The following SSB variants were observed in gnomAD, a reference collection of about 807,000 sequenced individuals.
SSB encodes lupus La protein.
SSB carries 17 observed loss-of-function variants against 52.9 expected under a neutral mutation model. The observed-to-expected ratio is 0.32, with a 90% CI of 0.22 to 0.48. SSB has a LOEUF of 0.48. Ranked by LOEUF, SSB falls within the 20% of genes least tolerant of loss-of-function variation. The pLI is 0.99. For synonymous variants in SSB, 111 were observed against 152.1 expected, an observed-to-expected ratio of 0.73 and a Z score of 1.99; for missense variants, 314 against 463.6, an observed-to-expected ratio of 0.68 and a Z score of 2.96.
chr2:169,800,748 T>C (rs1270761655), intron 1 of SSB, among the ~76,000 whole-genome samples: 1 of 152,162 alleles, frequency 6.6e-6, no homozygotes, highest in Non-Finnish European at 1.5e-5. Flanking sequence ...ACAAGTTTTT[T>C]ATAGTTTTTA....
chr2:169,811,631 AC>A (rs746138148), intron 11 of SSB, 36 bp from the exon 12 acceptor site: 4 of 1,597,424 alleles, frequency 2.5e-6, no homozygotes, highest in African/African-American at 1.4e-5. Flanking sequence ...AGCAGTACTT[AC>A]GTTGAATTTA....
At chr2:169,809,708 A>AT (rs1386529367) in intron 8 of SSB, among the ~76,000 whole-genome samples, 4 of 151,738 alleles carry the variant, frequency 2.6e-5, no homozygotes, top group African/African-American at 7.3e-5. Flanking sequence ...CACCTCCCAG[A>AT]TTCATGCCAT....
chr2:169,806,525 TTAA>T lies in SSB; in HGVS notation c.346-256_346-254del, dbSNP rs576941993. 538 of 314,022 alleles carry T rather than the reference TTAA, an allele frequency of 1.7e-3. 2 individuals are homozygous for T. The highest frequency in any genetic ancestry group is 4.9e-3 in the Middle Eastern group (5 of 1,028). 19.5% of individuals were successfully genotyped at this position (314,022 alleles called of 1,614,324 possible). On this transcript the variant is annotated intron_variant, in intron 4 of 11. Transcript: ENST00000260956. Reference sequence around the variant, plus strand: ...AATGTACCATCACCAGCTTTAGTAGTTAATAACAGAACATGCAAATCATCTTGT... The same window carrying T: ...AATGTACCATCACCAGCTTTAGTAGTTAACAGAACATGCAAATCATCTTGT...
Position 169,811,822 on chromosome 2 carries a change from A to G in SSB, c.*66A>G. On this transcript the variant is annotated 3_prime_UTR_variant, in exon 12 of 12. Coordinates refer to ENST00000260956, the MANE Select transcript of SSB (RefSeq NM_003142.5). ...AACGACTTTTGTTTGCGGGGCTTTT[A>G]AAAGGAAAACCGAATTAGGTCCACT... 1 of 1,613,690 alleles carries G rather than the reference A, an allele frequency of 6.2e-7. No individual in the cohort carries two copies. Among genetic ancestry groups the G allele is most frequent in the Non-Finnish European group, 8.5e-7 (1 of 1,179,784 alleles).
At position 169,808,672 on chromosome 2, in the gene SSB, G is replaced by C. The variant is rs966228092; in HGVS notation, c.626+119G>C. The C allele has an allele frequency of 8.4e-6, 9 of 1,077,682 alleles. No homozygotes were observed. The African/African-American group carries it at 1.3e-4, about 15-fold the overall frequency. The allele number at this position is 1,077,682 out of a possible 1,614,324, so 66.8% of individuals were successfully genotyped here. A position where few individuals can be genotyped will look rare whatever the true frequency, so the allele number is the denominator to read the frequency against. The stretch of plus-strand genomic sequence containing the variant: ...TTTCTCTTTGCTAGTGAAACACTGA[G>C]ATCTTAAGCTGCCTTGACAATCTCA... On this transcript the variant is annotated intron_variant, in intron 7 of 11. Transcript: ENST00000260956.
Position 169,810,928 on chromosome 2 carries a change from T to C in SSB, c.881T>C (p.Leu294Pro), listed in dbSNP as rs1689937702. 3.1e-6 allele frequency: 5 copies of C among 1,613,542 alleles called. No homozygotes were observed. The East Asian group carries it at 8.9e-5, about 29-fold the overall frequency. Residue 294 changes from leucine to proline, a missense_variant, in exon 10 of 12, where the codon CTA becomes CCA. Leu to Pro is a moderately conservative substitution (Grantham distance 98). Coordinates refer to ENST00000260956, the MANE Select transcript of SSB (RefSeq NM_003142.5). ...GCCAAAGATGCAAATAATGGTAACCTACAATTAAGGAACAAAGAAGTGACT... is the reference window on the plus strand; with the variant it reads ...GCCAAAGATGCAAATAATGGTAACCCACAATTAAGGAACAAAGAAGTGACT... ...GKAKDANNGN[L>P]QLRNKEVTWE... is the part of the protein sequence containing the mutation.
At chr2:169,808,987 A>G (rs756099840) in intron 8 of SSB, 85 bp downstream of exon 8, 1 of 1,075,450 alleles carries the variant, frequency 9.3e-7, no homozygotes, top group South Asian at 1.3e-5. Flanking sequence ...TTTCAAGAAA[A>G]TACGTAAGCA....
intron 6 of SSB, among the ~76,000 whole-genome samples, chr2:169,807,850 T>A (rs568407835): frequency 1.3e-5 from 2 of 151,318 alleles, no homozygotes; most frequent in African/African-American, 4.8e-5. Context: ...CAGAGCATTT[T>A]CATGATAAAA....
intron 2 of SSB, among the ~76,000 whole-genome samples, chr2:169,802,440 G>C (rs10754971): frequency 0.98 from 147,249 of 150,878 alleles, 71,947 homozygotes; most frequent in East Asian, 1. Flanking sequence ...TAAGCTGCAC[G>C]TCTCTGCATT....
In SSB at chr2:169,805,768, T is replaced by A; in HGVS notation, c.274T>A (p.Ser92Thr). Residue 92 changes from serine to threonine, a missense_variant, in exon 4 of 12, where the codon TCT (serine) becomes ACT (threonine). By Grantham distance (58) the Ser-to-Thr change is moderately conservative. Coordinates refer to ENST00000260956, the MANE Select transcript of SSB (RefSeq NM_003142.5). ...TGAAGATAAAACTAAAATCAGAAGGTCTCCAAGCAAACCCCTACCTGAAGT... is the reference window on the plus strand; with the variant it reads ...TGAAGATAAAACTAAAATCAGAAGGACTCCAAGCAAACCCCTACCTGAAGT... ...ISEDKTKIRR[S>T]PSKPLPEVTD... The A allele has an allele frequency of 6.2e-7, 1 of 1,613,846 alleles. No homozygotes were observed. The highest frequency in any genetic ancestry group is 2.2e-5 in the East Asian group (1 of 44,850).
intron 9 of SSB, 67 bp from the exon 10 acceptor site, chr2:169,810,791 G>A: frequency 6.7e-7 from 1 of 1,485,318 alleles, no homozygotes; most frequent in Non-Finnish European, 9.1e-7. Flanking sequence ...AAATTACTTT[G>A]GACAAAGAAA....
intron 1 of SSB, among the ~76,000 whole-genome samples, chr2:169,800,737 G>A (rs553153872): frequency 1.3e-5 from 2 of 152,210 alleles, no homozygotes; most frequent in South Asian, 4.1e-4. Flanking sequence ...TTTACTGAAA[G>A]ACAAGTTTTT....
At chr2:169,807,905 A>G (rs964706290) in intron 6 of SSB, among the ~76,000 whole-genome samples, 2 of 152,082 alleles carry the variant, frequency 1.3e-5, no homozygotes, top group Non-Finnish European at 2.9e-5. Flanking sequence ...ACTGTGCATT[A>G]GTCTTCTAAA....
chr2:169,809,483 T>C (rs1689898723), intron 8 of SSB, among the ~76,000 whole-genome samples: 1 of 152,250 alleles, frequency 6.6e-6, no homozygotes. Flanking sequence ...GTCCTATAAC[T>C]TCTAAAGATT....
At position 169,811,852 on chromosome 2, in the gene SSB, T is replaced by G; in HGVS notation, c.*96T>G. ...GAAAACCGAATTAGGTCCACTTCAA[T>G]GTCCACCTGTGAGAAAGGAAAAATT... On this transcript the variant is annotated 3_prime_UTR_variant, in exon 12 of 12. Transcript: ENST00000260956. The G allele has an allele frequency of 5.0e-6, 8 of 1,613,220 alleles. No individual in the cohort carries two copies. Among genetic ancestry groups the G allele is most frequent in the Non-Finnish European group, 6.8e-6 (8 of 1,179,708 alleles).
chr2:169,807,806 GTGTC>G (rs56326037), intron 6 of SSB, among the ~76,000 whole-genome samples: 55,096 of 130,914 alleles, frequency 0.42, 12,476 homozygotes, highest in Middle Eastern at 0.54. Context: ...TTGTGAATGT[GTGTC>G]TGTCTAAGTG....
Position 169,808,485 on chromosome 2 carries a change from C to T in SSB, c.558C>T (p.Asp186=), listed in dbSNP as rs141594933. 6.7e-4 allele frequency: 1,088 copies of T among 1,612,754 alleles called. No individual in the cohort carries two copies. The highest frequency in any genetic ancestry group is 8.4e-4 in the Non-Finnish European group (994 of 1,179,138). ...CTCTGTACTGTGTGTTCTTTAGGGA[C>T]GATTACTTTGCCAAAAAAAATGAAG... ...KETDLLILFK[D]DYFAKKNEER... is the part of the protein sequence containing the mutation. Residue 186 remains aspartate, a synonymous_variant, in exon 7 of 12, where the codon GAC becomes GAT. Coordinates refer to ENST00000260956, the MANE Select transcript of SSB (RefSeq NM_003142.5).
intron 8 of SSB, 74 bp from the exon 9 acceptor site, chr2:169,810,209 T>A (rs1689918852): frequency 8.4e-7 from 1 of 1,190,358 alleles, no homozygotes; most frequent in African/African-American, 1.6e-5. Context: ...TGTATAGCTA[T>A]AAGGTGGTGT....
chr2:169,799,203 C>T (rs1324703564), intron 1 of SSB: 1 of 151,316 alleles, frequency 6.6e-6, no homozygotes, highest in East Asian at 1.9e-4. Flanking sequence ...TGGGGTTCCC[C>T]GCACGTGGCT....
Sources: allele counts gnomAD v4.1 joint callset (sites outside exome capture counted in the v4.1 genomes callset), GRCh38; gene constraint gnomAD v4.1.1; transcripts MANE v1.5; gene names NCBI Gene and HGNC (gene_info 2026-07-23, HGNC 2026-07-21).